PSMB2: variants seen among roughly 807,000 people sequenced by gnomAD.
PSMB2 encodes the protein proteasome 20S subunit beta 2.
Under a neutral mutation model 25.7 loss-of-function variants are expected in PSMB2, and 13 were observed. The ratio of observed to expected loss-of-function variants is 0.51; its 90% CI spans 0.33 to 0.80. The LOEUF (loss-of-function observed/expected upper bound fraction) is 0.80, where lower values mean the gene tolerates loss of function less well. Among genes scored for constraint, PSMB2 ranks in the 30% least tolerant of loss-of-function variants. The pLI, the probability that PSMB2 is intolerant of heterozygous loss-of-function variation, is 0.02. For synonymous variants in PSMB2, 87 were observed against 96.2 expected (o/e 0.90, Z 0.56); for missense variants, 202 against 259.0 (o/e 0.78, Z 1.51).
At chr1:35,620,318 T>A (rs1403885265) in intron 3 of PSMB2, among the ~76,000 whole-genome samples, 1 of 152,130 alleles carries the variant, frequency 6.6e-6, no homozygotes, top group African/African-American at 2.4e-5. Flanking sequence ...GCACCCCAGA[T>A]CCAACAAAAG....
chr1:35,606,753 C>A (rs972236022), intron 4 of PSMB2, among the ~76,000 whole-genome samples: 15 of 152,040 alleles, frequency 9.9e-5, no homozygotes, highest in African/African-American at 3.4e-4. Context: ...CAATCCTGAA[C>A]AAAAAGAACA....
At chr1:35,630,030 C>T (rs1258454967) in intron 3 of PSMB2, among the ~76,000 whole-genome samples, 1 of 151,976 alleles carries the variant, frequency 6.6e-6, no homozygotes, top group African/African-American at 2.4e-5. Flanking sequence ...ACAAAATTAG[C>T]TGGGCGTGGT....
At position 35,641,330 on chromosome 1, in the gene PSMB2, G is replaced by A. The variant is rs777129810; in HGVS notation, c.91+12C>T. 1.4e-5 allele frequency: 22 copies of A among 1,613,918 alleles called. No homozygotes were observed. The highest frequency in any genetic ancestry group is 3.3e-4 in the Middle Eastern group (2 of 6,078). ...CCCCAGGCCTGGCCGGGCCTCCCCT[G>A]CTTCCTCTCACCGTCCTTCATCTGG... On this transcript the variant is annotated intron_variant, in intron 1 of 5. Coordinates refer to ENST00000373237, the MANE Select transcript of PSMB2 (RefSeq NM_002794.5).
Position 35,628,603 on chromosome 1 carries a change from A to C in PSMB2, c.285+2671T>G, listed in dbSNP as rs1274924406. 6.0e-3 allele frequency among the ~76,000 whole-genome samples: 141 copies of C among 23,396 alleles called. 4 individuals are homozygous for C. The highest frequency in any genetic ancestry group is 0.017 in the African/African-American group (133 of 7,604). 15.3% of individuals were successfully genotyped at this position (23,396 alleles called of 152,430 possible). ...GAAAAAAAAAAAAAAAAAAATATAT[A>C]TATATATATATATATATATATATAT... is the stretch of plus-strand genomic sequence containing the variant. On this transcript the variant is annotated intron_variant, in intron 3 of 5. Transcript: ENST00000373237.
intron 3 of PSMB2, among the ~76,000 whole-genome samples, chr1:35,630,805 A>T (rs1439174488): frequency 6.6e-6 from 1 of 152,252 alleles, no homozygotes; most frequent in Non-Finnish European, 1.5e-5. Context: ...CATCCACAAC[A>T]GCAAAAGTAA....
At chr1:35,628,631 A>ATATATATATATATTTTT (rs1202256440) in intron 3 of PSMB2, among the ~76,000 whole-genome samples, 1 of 38,086 alleles carries the variant, frequency 2.6e-5, no homozygotes. Flanking sequence ...ATATATATAT[A>ATATATATATATATTTTT]TTTTTTTTTT....
intron 2 of PSMB2, among the ~76,000 whole-genome samples, chr1:35,632,457 G>C (rs990071911): frequency 7.2e-5 from 11 of 152,222 alleles, no homozygotes; most frequent in African/African-American, 2.7e-4. Flanking sequence ...AAATACCACT[G>C]TCAAATTAGG....
At chr1:35,629,431 G>T (rs1165053127) in intron 3 of PSMB2, among the ~76,000 whole-genome samples, 1 of 152,180 alleles carries the variant, frequency 6.6e-6, no homozygotes, top group Non-Finnish European at 1.5e-5. Flanking sequence ...ATGAAATGGA[G>T]ACAGCTCTAG....
chr1:35,609,575 T>C (rs750004349), intron 3 of PSMB2, among the ~76,000 whole-genome samples, 167 bp from the exon 4 acceptor site: 7 of 152,114 alleles, frequency 4.6e-5, no homozygotes, highest in Non-Finnish European at 8.8e-5. Context: ...ACCTGGAGTA[T>C]GGTAACAGGT....
At chr1:35,607,039 AC>A (rs1293435610) in intron 4 of PSMB2, among the ~76,000 whole-genome samples, 2 of 152,258 alleles carry the variant, frequency 1.3e-5, no homozygotes, top group Non-Finnish European at 2.9e-5. Context: ...CTTACCCTAT[AC>A]AAAATTCAAC....
chr1:35,616,089 C>G (rs1485133106), intron 3 of PSMB2, among the ~76,000 whole-genome samples: 3 of 152,196 alleles, frequency 2.0e-5, no homozygotes, highest in African/African-American at 4.8e-5. Flanking sequence ...CTAGTTTACC[C>G]AGTATCCCTT....
At chr1:35,631,468 A>T (rs1651095560) in intron 2 of PSMB2, 124 bp from the exon 3 acceptor site, 10 of 1,514,124 alleles carry the variant, frequency 6.6e-6, no homozygotes, top group Non-Finnish European at 7.1e-6. Flanking sequence ...AACAAAGCAT[A>T]GACTGAGGGG....
At chr1:35,618,120 C>T (rs539083966) in intron 3 of PSMB2, among the ~76,000 whole-genome samples, 1 of 152,204 alleles carries the variant, frequency 6.6e-6, no homozygotes, top group Admixed American at 6.5e-5. Flanking sequence ...CTACTCTAGA[C>T]AGACGATGAG....
In PSMB2 at chr1:35,620,335, C is replaced by T. The variant is rs141756325; in HGVS notation, c.286-10927G>A. Among the ~76,000 whole-genome samples the T allele has an allele frequency of 1.4e-4, 22 of 152,282 alleles. 2 individuals carry two copies. Among genetic ancestry groups the T allele is most frequent in the African/African-American group, 3.1e-4 (13 of 41,576 alleles). ...ACCCCAGATCCAACAAAAGTTATTG[C>T]TACGGCTTTAACTGACATGCAGGCC... On this transcript the variant is annotated intron_variant, in intron 3 of 5. Coordinates refer to ENST00000373237, the MANE Select transcript of PSMB2 (RefSeq NM_002794.5).
intron 4 of PSMB2, among the ~76,000 whole-genome samples, chr1:35,608,056 G>A (rs1650220024): frequency 6.6e-6 from 1 of 152,136 alleles, no homozygotes; most frequent in African/African-American, 2.4e-5. Context: ...TAAGGGATGG[G>A]GGACATTTGT....
Position 35,603,425 on chromosome 1 carries a change from T to C in PSMB2, c.499-51A>G, listed in dbSNP as rs1312145464. 1.3e-5 allele frequency: 20 copies of C among 1,599,100 alleles called. No individual in the cohort carries two copies. The East Asian group carries it at 1.3e-4, about 11-fold the overall frequency. ...GTCAACAAATGATTACTAAGTTCTA[T>C]GTGCCAGGCTCTGTTCTAGACACTG... On this transcript the variant is annotated intron_variant, in intron 5 of 5. Coordinates refer to ENST00000373237, the MANE Select transcript of PSMB2 (RefSeq NM_002794.5).
intron 3 of PSMB2, among the ~76,000 whole-genome samples, chr1:35,629,222 T>C (rs531750379): frequency 7.9e-5 from 12 of 152,338 alleles, no homozygotes; most frequent in African/African-American, 2.6e-4. Context: ...CCTGTGGGGT[T>C]AGGAAGTTAT....
chr1:35,627,046 G>A (rs1246288173), intron 3 of PSMB2, among the ~76,000 whole-genome samples: 1 of 151,972 alleles, frequency 6.6e-6, no homozygotes, highest in African/African-American at 2.4e-5. Context: ...TACCATACTG[G>A]ACTGTGTAGA....
rs1298905488 is a variant in PSMB2 at position 35,601,866 on chromosome 1, A to G, written c.*1401T>C. The G allele has an allele frequency of 4.1e-6, 4 of 985,450 alleles. No individual in the cohort carries two copies. The highest frequency in any genetic ancestry group is 1.1e-4 in the East Asian group (1 of 8,814). 61.0% of individuals were successfully genotyped at this position (985,450 alleles called of 1,614,324 possible). On this transcript the variant is annotated 3_prime_UTR_variant, in exon 6 of 6. Coordinates refer to ENST00000373237, the MANE Select transcript of PSMB2 (RefSeq NM_002794.5). Reference sequence around the variant, plus strand: ...ATAGCTTTAACCACAAAACATCCACATTGTTCCCTAAAGTTATGCTAAGAG... The same window carrying G: ...ATAGCTTTAACCACAAAACATCCACGTTGTTCCCTAAAGTTATGCTAAGAG...
Sources: allele counts gnomAD v4.1 joint callset (sites outside exome capture counted in the v4.1 genomes callset), GRCh38; gene constraint gnomAD v4.1.1; transcripts MANE v1.5; gene names NCBI Gene and HGNC (gene_info 2026-07-23, HGNC 2026-07-21).